Variants in SORBS2 observed in about 807,000 individuals in gnomAD.
The protein encoded by SORBS2 is sorbin and SH3 domain-containing protein 2.
Under a neutral mutation model 97.7 loss-of-function variants are expected in SORBS2, and 46 were observed. The ratio of observed to expected loss-of-function variants is 0.47; its 90% CI spans 0.37 to 0.60. The LOEUF is 0.60. Among genes scored for constraint, SORBS2 ranks in the 20% least tolerant of loss-of-function variants. The pLI, the probability that SORBS2 is intolerant of heterozygous loss-of-function variation, is 0.00. For synonymous variants in SORBS2, 476 were observed against 473.4 expected (o/e 1.01, Z -0.07); for missense variants, 1,316 against 1,282.3 (o/e 1.03, Z -0.40).
intron 4 of SORBS2, among the ~76,000 whole-genome samples, chr4:185,663,474 G>A (rs62336100): frequency 0.03 from 4,532 of 152,212 alleles, 99 homozygotes; most frequent in South Asian, 0.06. Context: ...AATTCTCTAA[G>A]CTGTTAGAAA....
chr4:185,693,287 G>T (rs551470865), intron 2 of SORBS2, among the ~76,000 whole-genome samples: 1 of 152,062 alleles, frequency 6.6e-6, no homozygotes, highest in South Asian at 2.1e-4. Context: ...AAAAAATGTG[G>T]CGTATTTCTA....
In SORBS2 at chr4:185,611,768, G is replaced by C. The variant is rs1319963857; in HGVS notation, c.2796+12C>G. 6.2e-7 allele frequency: 1 copy of C among 1,605,218 alleles called. No homozygotes were observed. The highest frequency in any genetic ancestry group is 2.2e-5 in the East Asian group (1 of 44,808). On this transcript the variant is annotated intron_variant, in intron 12 of 14. Coordinates refer to ENST00000418609, the Ensembl canonical transcript of SORBS2. The stretch of plus-strand genomic sequence containing the variant: ...TCCAATATTACATTAACATGATAGA[G>C]TATGTTCTTACCTTATTTGAGCTCA...
intron 2 of SORBS2, among the ~76,000 whole-genome samples, chr4:185,768,405 A>C (rs1384480761): frequency 6.6e-6 from 1 of 152,118 alleles, no homozygotes; most frequent in Admixed American, 6.5e-5. Flanking sequence ...ATGAAAAACA[A>C]ATTTGGCCAA....
At chr4:185,631,980 A>G (rs2096916333) in intron 4 of SORBS2, among the ~76,000 whole-genome samples, 2 of 152,356 alleles carry the variant, frequency 1.3e-5, no homozygotes, top group African/African-American at 4.8e-5. Context: ...GTCAGCCAGA[A>G]AGGCAAGGTT....
At chr4:185,893,450 T>C (rs1354313766) in intron 1 of SORBS2, among the ~76,000 whole-genome samples, 1 of 152,204 alleles carries the variant, frequency 6.6e-6, no homozygotes, top group African/African-American at 2.4e-5. Flanking sequence ...TCCAAGATAC[T>C]GGGAGACCCG....
chr4:185,751,190 A>AAAAAAAG lies in SORBS2; in HGVS notation c.-198+24036_-198+24037insCTTTTTT. Among the ~76,000 whole-genome samples, 27 of 86,484 alleles carry AAAAAAAG rather than the reference A, an allele frequency of 3.1e-4. 1 individual carries two copies. The highest frequency in any genetic ancestry group is 5.7e-4 in the Admixed American group (5 of 8,728). The allele number at this position is 86,484 out of a possible 152,430, so 56.7% of individuals were successfully genotyped here. ...TAAATACTAAAAAAAAAAAAAAAAA[A>AAAAAAAG]AGAGAAAGAGAGAGAAATTCAGGAA... On this transcript the variant is annotated intron_variant, in intron 2 of 20. Coordinates refer to the SORBS2 transcript ENST00000284776.
At chr4:185,773,531 G>A (rs548821470) in intron 2 of SORBS2, 7 of 151,994 alleles carry the variant, frequency 4.6e-5, no homozygotes, top group African/African-American at 1.7e-4. Context: ...TTGGAGATTT[G>A]TCCTGTGGCC....
At position 185,848,618 on chromosome 4, in the gene SORBS2, C is replaced by CTTTTTTTTT. The variant is rs537195530; in HGVS notation, c.-337-73261_-337-73253dup. Among the ~76,000 whole-genome samples, 16 of 75,638 alleles carry CTTTTTTTTT rather than the reference C, an allele frequency of 2.1e-4. 2 individuals are homozygous for CTTTTTTTTT. Among genetic ancestry groups the CTTTTTTTTT allele is most frequent in the African/African-American group, 8.7e-4 (15 of 17,240 alleles). The allele number at this position is 75,638 out of a possible 152,430, so 49.6% of individuals were successfully genotyped here. On this transcript the variant is annotated intron_variant, in intron 1 of 20. Transcript: ENST00000284776. ...TTAAATGTTCTTTATAAGGATATCTCTTTTTTTTTTTTTTTTTTTTTTTTT... is the reference window on the plus strand; with the variant it reads ...TTAAATGTTCTTTATAAGGATATCTCTTTTTTTTTTTTTTTTTTTTTTTTTTTTTTTTTT...
intron 2 of SORBS2, among the ~76,000 whole-genome samples, chr4:185,721,616 T>C (rs1014308220): frequency 2.6e-5 from 4 of 152,342 alleles, no homozygotes; most frequent in African/African-American, 9.6e-5. Context: ...ATAACTTTTT[T>C]GGTATAGCCG....
upstream of SORBS2, chr4:185,657,306 G>T: frequency 1.1e-6 from 1 of 872,396 alleles, no homozygotes; most frequent in Admixed American, 3.9e-5. Flanking sequence ...GAAGTCGGAT[G>T]GCACGGAGGG....
intron 1 of SORBS2, among the ~76,000 whole-genome samples, chr4:185,785,688 T>G (rs558341960): frequency 6.6e-6 from 1 of 152,314 alleles, no homozygotes; most frequent in African/African-American, 2.4e-5. Flanking sequence ...TTAAATGAGT[T>G]AACACATGCA....
At chr4:185,757,622 G>A (rs1193061044) in intron 2 of SORBS2, among the ~76,000 whole-genome samples, 4 of 150,948 alleles carry the variant, frequency 2.6e-5, no homozygotes, top group East Asian at 1.9e-4. Flanking sequence ...CCATGTCCTG[G>A]GAAATTAAAT....
intron 1 of SORBS2, among the ~76,000 whole-genome samples, chr4:185,848,579 AT>A (rs1181476252): frequency 6.7e-6 from 1 of 149,042 alleles, no homozygotes; most frequent in Admixed American, 6.6e-5. Context: ...GTGGTTCAGA[AT>A]TAAGTCCAGG....
intron 1 of SORBS2, among the ~76,000 whole-genome samples, chr4:185,847,354 A>G (rs2099215127): frequency 6.6e-6 from 1 of 152,164 alleles, no homozygotes; most frequent in Non-Finnish European, 1.5e-5. Context: ...AAATGCCTTC[A>G]GTATCTTTTG....
At chr4:185,692,141 C>T (rs1391596727) in intron 2 of SORBS2, among the ~76,000 whole-genome samples, 1 of 152,166 alleles carries the variant, frequency 6.6e-6, no homozygotes, top group Non-Finnish European at 1.5e-5. Flanking sequence ...AGGAAAGACA[C>T]GCTGATAAGG....
intron 2 of SORBS2, among the ~76,000 whole-genome samples, chr4:185,749,230 C>A (rs753588083): frequency 6.6e-6 from 1 of 152,152 alleles, no homozygotes; most frequent in African/African-American, 2.4e-5. Context: ...AGCATGAAAG[C>A]AACTGGGGAC....
chr4:185,732,043 A>T (rs1223143137), intron 2 of SORBS2, among the ~76,000 whole-genome samples: 6 of 151,608 alleles, frequency 4.0e-5, no homozygotes, highest in African/African-American at 1.5e-4. Context: ...CCAATATCTG[A>T]CCTCCTTTTT....
At chr4:185,786,827 TG>T (rs372759388) in intron 1 of SORBS2, among the ~76,000 whole-genome samples, 13 of 152,126 alleles carry the variant, frequency 8.5e-5, no homozygotes, top group African/African-American at 3.1e-4. Context: ...CCGTGTGTGG[TG>T]GTGTGTACCT....
intron 7 of SORBS2, 120 bp from the exon 20 acceptor site, chr4:185,620,271 G>T: frequency 2.8e-6 from 2 of 710,384 alleles, no homozygotes; most frequent in African/African-American, 3.5e-5. Flanking sequence ...CACCGTTATC[G>T]AACACATGGG....
Sources: gnomAD v4.1 joint callset for allele counts (sites outside exome capture counted in the v4.1 genomes callset) on GRCh38, gnomAD v4.1.1 for gene constraint, MANE v1.5 for transcripts, NCBI Gene and HGNC (gene_info 2026-07-23, HGNC 2026-07-21) for gene names.